Variants in GPC5 observed in about 807,000 individuals in gnomAD.
GPC5 encodes the protein glypican-5.
GPC5 carries 47 observed loss-of-function variants against 53.9 expected under a neutral mutation model. The observed-to-expected ratio is 0.87, with a 90% confidence interval of 0.69 to 1.11. GPC5 has a LOEUF of 1.11. Among genes scored for constraint, GPC5 ranks in the 50% most tolerant of loss-of-function variants. The pLI is 0.00. For missense variants in GPC5, 748 were observed against 713.1 expected, an observed-to-expected ratio of 1.05 and a Z score of -0.56; for synonymous variants, 286 against 263.3, an observed-to-expected ratio of 1.09 and a Z score of -0.84.
intron 5 of GPC5, among the ~76,000 whole-genome samples, chr13:91,784,835 G>A (rs1220290725): frequency 6.6e-6 from 1 of 152,028 alleles, no homozygotes; most frequent in Non-Finnish European, 1.5e-5. Context: ...TCAAAAGTTG[G>A]CAATAACTAG....
rs1219703194 is a variant in GPC5, at chr13:92,074,772, A to C, written c.1402-70058A>C. Among the ~76,000 whole-genome samples the C allele has an allele frequency of 5.3e-5, 8 of 152,156 alleles. 1 individual carries two copies. In the East Asian group the frequency reaches 1.5e-3, roughly 29 times the overall value. ...TCACTAATGTATGGTAACCAGAATA[A>C]TAGGAGGGTAGGAACTAAGCCAAAA... is the stretch of plus-strand genomic sequence containing the variant. On this transcript the variant is annotated intron_variant, in intron 6 of 7. Coordinates refer to ENST00000377067, the MANE Select transcript of GPC5 (RefSeq NM_004466.6).
intron 7 of GPC5, among the ~76,000 whole-genome samples, chr13:92,612,634 CTT>C (rs1181449864): frequency 2.0e-5 from 3 of 152,050 alleles, no homozygotes; most frequent in Admixed American, 2.0e-4. Flanking sequence ...TTTCAGGACT[CTT>C]ATGTTGTTCT....
intron 6 of GPC5, among the ~76,000 whole-genome samples, chr13:91,959,176 T>TA (rs145198317): frequency 6.4e-5 from 9 of 140,708 alleles, no homozygotes; most frequent in East Asian, 2.1e-4. Flanking sequence ...GATTAACCAA[T>TA]AAAAAAAAGA....
At chr13:92,014,427 T>C (rs4771849) in intron 6 of GPC5, among the ~76,000 whole-genome samples, 139,871 of 152,216 alleles carry the variant, frequency 0.92, 65,482 homozygotes, top group East Asian at 1. Context: ...CAACACCAAA[T>C]AGTATCCTCC....
intron 7 of GPC5, among the ~76,000 whole-genome samples, chr13:92,372,680 C>A (rs1277872894): frequency 6.6e-6 from 1 of 151,860 alleles, no homozygotes. Flanking sequence ...ATATTTCTGT[C>A]CTATTTTTCT....
At chr13:92,011,975 C>T (rs2040665641) in intron 6 of GPC5, among the ~76,000 whole-genome samples, 1 of 152,066 alleles carries the variant, frequency 6.6e-6, no homozygotes, top group Non-Finnish European at 1.5e-5. Context: ...CTGTTCTCAA[C>T]CGGAATGGGG....
intron 7 of GPC5, among the ~76,000 whole-genome samples, chr13:92,457,175 T>C: frequency 6.6e-6 from 1 of 152,248 alleles, no homozygotes; most frequent in Middle Eastern, 3.4e-3. Flanking sequence ...AAGGAGATGA[T>C]TTTGTTCTTT....
chr13:92,468,266 T>C (rs893331104), intron 7 of GPC5, among the ~76,000 whole-genome samples: 5 of 152,056 alleles, frequency 3.3e-5, no homozygotes, highest in Non-Finnish European at 7.4e-5. Context: ...GAAACAAGCA[T>C]ACAAGCAGCA....
intron 5 of GPC5, among the ~76,000 whole-genome samples, chr13:91,804,460 T>C (rs1485270937): frequency 1.3e-5 from 2 of 152,240 alleles, no homozygotes; most frequent in Non-Finnish European, 2.9e-5. Flanking sequence ...ACCAGCTTGC[T>C]ATCATAACAC....
rs11840349 is a variant in GPC5 at position 91,937,872 on chromosome 13, T to C, written c.1401+29815T>C. Among the ~76,000 whole-genome samples, 598 of 152,162 alleles carry C rather than the reference T, an allele frequency of 3.9e-3. 5 individuals carry two copies. Among genetic ancestry groups the C allele is most frequent in the African/African-American group, 0.014 (566 of 41,524 alleles). The stretch of plus-strand genomic sequence containing the variant: ...TCTAAGCACCCTTCATTTTCCTGTA[T>C]GAGAAGTGAGAAAATACCTGTATGA... On this transcript the variant is annotated intron_variant, in intron 6 of 7. Coordinates refer to ENST00000377067, the MANE Select transcript of GPC5 (RefSeq NM_004466.6).
intron 7 of GPC5, among the ~76,000 whole-genome samples, chr13:92,851,618 G>A (rs916944106): frequency 2.0e-5 from 3 of 151,774 alleles, no homozygotes; most frequent in African/African-American, 4.8e-5. Flanking sequence ...ACAGTGGCTC[G>A]CTCCTGTAAT....
chr13:92,265,530 T>G (rs1233350071), intron 7 of GPC5, among the ~76,000 whole-genome samples: 1 of 152,154 alleles, frequency 6.6e-6, no homozygotes, highest in Non-Finnish European at 1.5e-5. Context: ...CCTGTCCACA[T>G]TTCTACCAAT....
chr13:92,574,635 T>G (rs1883136225), intron 7 of GPC5, among the ~76,000 whole-genome samples: 1 of 152,190 alleles, frequency 6.6e-6, no homozygotes, highest in South Asian at 2.1e-4. Flanking sequence ...TAAGATTTTG[T>G]TTCTGTTGTG....
intron 5 of GPC5, among the ~76,000 whole-genome samples, chr13:91,840,153 T>C (rs2038768506): frequency 6.6e-6 from 1 of 151,508 alleles, no homozygotes; most frequent in African/African-American, 2.4e-5. Context: ...GCTTCAACAT[T>C]AAAAAAAAAT....
chr13:92,512,249 T>C (rs2888721), intron 7 of GPC5, among the ~76,000 whole-genome samples: 11,485 of 149,534 alleles, frequency 0.077, 1,296 homozygotes, highest in African/African-American at 0.25. Flanking sequence ...TGTGTGTGTG[T>C]GCGCGCGCGC....
intron 7 of GPC5, among the ~76,000 whole-genome samples, chr13:92,323,206 A>T (rs1262080763): frequency 6.6e-6 from 1 of 151,434 alleles, no homozygotes; most frequent in East Asian, 1.9e-4. Flanking sequence ...CAAATGAGGT[A>T]CTTAGTATTT....
chr13:92,442,741 CA>C (rs1566592317), intron 7 of GPC5, among the ~76,000 whole-genome samples: 1 of 152,106 alleles, frequency 6.6e-6, no homozygotes, highest in African/African-American at 2.4e-5. Context: ...CAAAAAAACT[CA>C]AAAGCCCAAC....
intron 7 of GPC5, among the ~76,000 whole-genome samples, chr13:92,831,587 CTT>C (rs1878045122): frequency 6.6e-6 from 1 of 152,088 alleles, no homozygotes; most frequent in African/African-American, 2.4e-5. Flanking sequence ...GAGACAAAGA[CTT>C]TAATAGTCTT....
rs531185574 is a variant in GPC5 at position 92,599,372 on chromosome 13, G to A, written c.1562-266910G>A. On this transcript the variant is annotated intron_variant, in intron 7 of 7. Coordinates refer to ENST00000377067, the MANE Select transcript of GPC5 (RefSeq NM_004466.6). ...ATTCGCTAGAGTAATGAGAAAAGTC[G>A]GCTTGAAGATGGAAGAGCGGGGAGG... Among the ~76,000 whole-genome samples, 55 of 152,210 alleles carry A rather than the reference G, an allele frequency of 3.6e-4. No individual in the cohort carries two copies. The South Asian group carries it at 5.6e-3, about 16-fold the overall frequency.
Sources: allele counts gnomAD v4.1 joint callset (sites outside exome capture counted in the v4.1 genomes callset), GRCh38; gene constraint gnomAD v4.1.1; transcripts MANE v1.5; gene names NCBI Gene and HGNC (gene_info 2026-07-23, HGNC 2026-07-21).